The following COL4A2 variants were observed in gnomAD, a reference collection of about 807,000 sequenced individuals.
COL4A2 encodes the protein collagen type IV alpha 2 chain.
Under a neutral mutation model 200.2 loss-of-function variants are expected in COL4A2, and 99 were observed. That is an observed-to-expected ratio of 0.49 (90% CI 0.42 to 0.58). COL4A2 has a LOEUF of 0.58. COL4A2 is among the 20% of genes least tolerant of loss of function. COL4A2 has a pLI of 0.00. For synonymous variants in COL4A2, 897 were observed against 900.6 expected (o/e 1.00, Z 0.07); for missense variants, 1,950 against 2,314.1 (o/e 0.84, Z 3.23).
chr13:110,358,203 A>AT (rs924784893), intron 4 of COL4A2, among the ~76,000 whole-genome samples: 9 of 151,762 alleles, frequency 5.9e-5, no homozygotes, highest in African/African-American at 1.9e-4. Context: ...TATTAAAAAA[A>AT]TTTTTTTTTA....
At chr13:110,376,133 T>C (rs921714927) in intron 4 of COL4A2, among the ~76,000 whole-genome samples, 13 of 152,224 alleles carry the variant, frequency 8.5e-5, no homozygotes, top group Admixed American at 4.6e-4. Flanking sequence ...GGAGACACGA[T>C]AGCTTGCAGT....
At chr13:110,464,097 C>T (rs564692999) in intron 24 of COL4A2, among the ~76,000 whole-genome samples, 3 of 152,016 alleles carry the variant, frequency 2.0e-5, no homozygotes, top group Admixed American at 6.6e-5. Context: ...GTGTGTGGTC[C>T]GTTTGAGTCT....
At chr13:110,507,518 C>A in intron 46 of COL4A2, 1 of 202,276 alleles carries the variant, frequency 4.9e-6, no homozygotes, top group East Asian at 1.1e-4. Context: ...AGCAATAAAG[C>A]TACATGGAAG....
chr13:110,511,621 T>C (rs1884082239), intron 47 of COL4A2, among the ~76,000 whole-genome samples: 1 of 152,244 alleles, frequency 6.6e-6, no homozygotes, highest in Non-Finnish European at 1.5e-5. Flanking sequence ...ATGCAGTGGA[T>C]TATATCTACC....
chr13:110,338,333 G>GGA (rs754421670), intron 3 of COL4A2, among the ~76,000 whole-genome samples: 9 of 151,454 alleles, frequency 5.9e-5, no homozygotes, highest in African/African-American at 1.7e-4. Context: ...AAACAGTGAG[G>GGA]GAGAGAGAGA....
intron 3 of COL4A2, among the ~76,000 whole-genome samples, chr13:110,344,545 C>T (rs967310835): frequency 7.2e-5 from 11 of 152,132 alleles, no homozygotes; most frequent in African/African-American, 2.7e-4. Context: ...GACATTTTTC[C>T]CAGCATGGTG....
intron 3 of COL4A2, among the ~76,000 whole-genome samples, chr13:110,313,266 A>G (rs1566467174): frequency 6.6e-6 from 1 of 152,108 alleles, no homozygotes; most frequent in South Asian, 2.1e-4. Flanking sequence ...AGGACAGGTG[A>G]CGGCCTAAGT....
chr13:110,458,103 G>A (rs1269226598), intron 21 of COL4A2: 20 of 469,828 alleles, frequency 4.3e-5, no homozygotes, highest in African/African-American at 1.6e-4. Flanking sequence ...CGTCTTGGCC[G>A]TTTTGGCGTA....
At chr13:110,492,828 T>C (rs770879843) in intron 38 of COL4A2, among the ~76,000 whole-genome samples, 23 of 152,210 alleles carry the variant, frequency 1.5e-4, no homozygotes, top group Non-Finnish European at 2.9e-4. Context: ...AGTTCAATGG[T>C]GTTCCTAGGT....
intron 45 of COL4A2, among the ~76,000 whole-genome samples, chr13:110,505,225 C>G (rs961691734): frequency 6.6e-6 from 1 of 151,976 alleles, no homozygotes; most frequent in East Asian, 2.0e-4. Context: ...TGGCGGGCGC[C>G]AGTAGTCCCA....
At chr13:110,366,427 G>A (rs1275047996) in intron 4 of COL4A2, among the ~76,000 whole-genome samples, 1 of 152,132 alleles carries the variant, frequency 6.6e-6, no homozygotes, top group Non-Finnish European at 1.5e-5. Flanking sequence ...AAATGTTCCT[G>A]CCTGTGAGCG....
chr13:110,312,573 A>G (rs1427714924), intron 3 of COL4A2, among the ~76,000 whole-genome samples: 1 of 152,252 alleles, frequency 6.6e-6, no homozygotes, highest in Non-Finnish European at 1.5e-5. Context: ...ATCACCATCT[A>G]GAAAGTGGTT....
Position 110,307,541 on chromosome 13 carries a change from CCCG to C in COL4A2, c.-45+14_-45+16del. 1 of 305,602 alleles carries C rather than the reference CCCG, an allele frequency of 3.3e-6. No individual in the cohort carries two copies. Among genetic ancestry groups the C allele is most frequent in the East Asian group, 5.3e-5 (1 of 18,912 alleles). 18.9% of individuals were successfully genotyped at this position (305,602 alleles called of 1,614,324 possible). On this transcript the variant is annotated intron_variant, in intron 1 of 47. Coordinates refer to ENST00000360467, the MANE Select transcript of COL4A2 (RefSeq NM_001846.4). This position sits in a 1 kb window ranked among gnomAD's most constrained non-coding sequence, Gnocchi z 5.0. ...AGCCGAGCCCGAGGTGAGAGCGACC[CCCG>C]AGCGGCGCCCAGACCCTGGCCCGAG...
intron 22 of COL4A2, among the ~76,000 whole-genome samples, chr13:110,460,081 T>C (rs752252465): frequency 1.3e-5 from 2 of 152,186 alleles, no homozygotes; most frequent in Non-Finnish European, 2.9e-5. Flanking sequence ...AAAAGAGAAC[T>C]CTGGGAAATT....
intron 45 of COL4A2, among the ~76,000 whole-genome samples, chr13:110,504,746 C>T (rs970802906): frequency 2.0e-5 from 3 of 152,002 alleles, no homozygotes; most frequent in Non-Finnish European, 4.4e-5. Flanking sequence ...GTTGGGACTA[C>T]AGGCATGTGC....
chr13:110,350,048 C>T (rs1876887306), intron 3 of COL4A2, among the ~76,000 whole-genome samples: 1 of 152,160 alleles, frequency 6.6e-6, no homozygotes, highest in South Asian at 2.1e-4. Context: ...CAGGCGTGAG[C>T]CACCACACCC....
At position 110,466,647 on chromosome 13, in the gene COL4A2, T is replaced by C. The variant is rs547479619; in HGVS notation, c.2039-393T>C. Among the ~76,000 whole-genome samples, 4 of 152,328 alleles carry C rather than the reference T, an allele frequency of 2.6e-5. No individual in the cohort carries two copies. The East Asian group carries it at 5.8e-4, about 22-fold the overall frequency. ...CAAAGGAGAAGTCAAATAATTCATT[T>C]TGAAATCGCAGGCTATCTCCATTGC... On this transcript the variant is annotated intron_variant, in intron 26 of 47. Transcript: ENST00000360467.
rs748621331 is a variant in COL4A2, at chr13:110,485,847, G to C, written c.3207+11G>C. 1.2e-6 allele frequency: 2 copies of C among 1,612,998 alleles called. No individual in the cohort carries two copies. The highest frequency in any genetic ancestry group is 1.7e-5 in the Admixed American group (1 of 59,874). On this transcript the variant is annotated intron_variant, in intron 34 of 47. Coordinates refer to ENST00000360467, the MANE Select transcript of COL4A2 (RefSeq NM_001846.4). ...TTCATAGGAAGCCGGGTGAGTGGGCGTCTTTTACTCCCCTTGTTCTGTGAG... is the reference window on the plus strand; with the variant it reads ...TTCATAGGAAGCCGGGTGAGTGGGCCTCTTTTACTCCCCTTGTTCTGTGAG...
intron 8 of COL4A2, 131 bp downstream of exon 8, chr13:110,430,087 A>G: frequency 3.3e-6 from 3 of 913,514 alleles, no homozygotes; most frequent in Admixed American, 3.5e-5. Flanking sequence ...TGGCGGCATA[A>G]TCTAAAAGTC....
Sources: gnomAD v4.1 joint callset for allele counts (sites outside exome capture counted in the v4.1 genomes callset) on GRCh38, gnomAD v4.1.1 for gene constraint, Gnocchi (gnomAD v3.1) non-coding constraint, MANE v1.5 for transcripts, NCBI Gene and HGNC (gene_info 2026-07-23, HGNC 2026-07-21) for gene names.